EXOSC10: variants seen among roughly 807,000 people sequenced by gnomAD.
EXOSC10 encodes exosome complex component 10.
EXOSC10 carries 94 observed loss-of-function variants against 126.6 expected under a neutral mutation model. The ratio of observed to expected loss-of-function variants is 0.74; its 90% CI spans 0.63 to 0.88. The LOEUF is 0.88. EXOSC10 is among the 40% of genes least tolerant of loss of function. The pLI is 0.00. For synonymous variants in EXOSC10, 395 were observed against 400.8 expected (o/e 0.99, Z 0.17); for missense variants, 1,041 against 1,100.5 (o/e 0.95, Z 0.77).
intron 1 of EXOSC10, among the ~76,000 whole-genome samples, chr1:11,098,384 T>C (rs1641234187): frequency 6.6e-6 from 1 of 152,182 alleles, no homozygotes; most frequent in Non-Finnish European, 1.5e-5. Context: ...AATACATACG[T>C]ATATAATCTG....
intron 9 of EXOSC10, 35 bp from the exon 10 acceptor site, chr1:11,082,913 T>C (rs1219852320): frequency 3.2e-6 from 5 of 1,542,298 alleles, no homozygotes; most frequent in South Asian, 2.2e-5. Flanking sequence ...AGTACACTGG[T>C]AGCAGGCCAC....
chr1:11,076,894 T>G lies in EXOSC10; in HGVS notation c.1934A>C (p.Asn645Thr), dbSNP rs1353934940. 3 of 1,613,870 alleles carry G rather than the reference T, an allele frequency of 1.9e-6. No individual in the cohort carries two copies. Among genetic ancestry groups the G allele is most frequent in the Non-Finnish European group, 2.5e-6 (3 of 1,180,040 alleles). Residue 645 changes from asparagine (N) to threonine (T), a missense_variant, in exon 17 of 25, where the codon AAC (asparagine) becomes ACC (threonine). By Grantham distance (65) the Asn-to-Thr change is moderately conservative. Transcript: ENST00000376936. ...AATCAGGCATGTGGTACCCAGCAAG[T>G]TATCTTCTTTTTCATCAGGGAAGAG... ...ASLFPDEKED[N>T]LLGTTCLIAT... is the part of the protein sequence containing the mutation.
At position 11,091,085 on chromosome 1, in the gene EXOSC10, A is replaced by C. The variant is rs1203914208; in HGVS notation, c.572T>G (p.Ile191Ser). Reference sequence around the variant, plus strand: ...AAGAAATGGTGTGTTGGAATTGTCAATCTTCTCTCGAAACTTGAGCTGAGG... The same window carrying C: ...AAGAAATGGTGTGTTGGAATTGTCACTCTTCTCTCGAAACTTGAGCTGAGG... The part of the protein sequence containing the change: ...IRPQLKFREK[I>S]DNSNTPFLPK... The change falls in exon 5 of 25, where the codon ATT becomes AGT. Residue 191 changes from isoleucine to serine, a missense_variant. By Grantham distance (142) the Ile-to-Ser change is moderately radical. This residue lies in a region of EXOSC10 where 645 missense variants were observed against 656.3 expected (regional missense o/e 0.98). Coordinates refer to ENST00000376936, the MANE Select transcript of EXOSC10 (RefSeq NM_001001998.3). The C allele has an allele frequency of 5.6e-6, 9 of 1,614,042 alleles. No individual in the cohort carries two copies. Among genetic ancestry groups the C allele is most frequent in the Non-Finnish European group, 7.6e-6 (9 of 1,180,020 alleles).
chr1:11,075,853 C>CAAAAAAAAAA (rs58667041), intron 17 of EXOSC10, among the ~76,000 whole-genome samples: 4 of 35,140 alleles, frequency 1.1e-4, no homozygotes, highest in African/African-American at 5.2e-4. Context: ...GATCCTGTCA[C>CAAAAAAAAAA]AAAAAAAAAA....
Position 11,090,653 on chromosome 1 carries a change from C to G in EXOSC10, c.659G>C (p.Arg220Thr). Residue 220 changes from arginine to threonine, a missense_variant, in exon 6 of 25, where the codon AGG becomes ACG. Physicochemically the swap from Arg to Thr is moderately conservative, Grantham distance 71. Coordinates refer to ENST00000376936, the MANE Select transcript of EXOSC10 (RefSeq NM_001001998.3). ...KPLPQALSKE[R>T]RERPQDRPED... is the part of the protein sequence containing the mutation. Reference sequence around the variant, plus strand: ...AGGACGATCCTGTGGGCGTTCCCGCCTTTCCTTAGAGAGAGCTGGGGATCC... The same window carrying G: ...AGGACGATCCTGTGGGCGTTCCCGCGTTTCCTTAGAGAGAGCTGGGGATCC... 6 of 1,611,274 alleles carry G rather than the reference C, an allele frequency of 3.7e-6. No homozygotes were observed. Among genetic ancestry groups the G allele is most frequent in the East Asian group, 2.2e-5 (1 of 44,858 alleles).
intron 6 of EXOSC10, 134 bp from the exon 7 acceptor site, chr1:11,088,332 C>T (rs1640614870): frequency 1.7e-6 from 1 of 592,966 alleles, no homozygotes; most frequent in South Asian, 2.2e-5. Flanking sequence ...TTACAAAGAG[C>T]TTATTTCAGT....
In EXOSC10 at chr1:11,082,750, G is replaced by A. The variant is rs375462036; in HGVS notation, c.1218C>T (p.Leu406=). 5 of 1,614,078 alleles carry A rather than the reference G, an allele frequency of 3.1e-6. No homozygotes were observed. The African/African-American group carries it at 4.0e-5, about 13-fold the overall frequency. Reference sequence around the variant, plus strand: ...AGTCCACGTTGCAGTAGAGTTTCAGGAGATGATCGAGTGAGTGCCTGCCCA... The same window carrying A: ...AGTCCACGTTGCAGTAGAGTTTCAGAAGATGATCGAGTGAGTGCCTGCCCA... The part of the protein sequence containing the change: ...LNLGRHSLDH[L]LKLYCNVDSN... The change falls in exon 10 of 25, where the codon CTC becomes CTT. Residue 406 remains leucine, a synonymous_variant. Coordinates refer to ENST00000376936, the MANE Select transcript of EXOSC10 (RefSeq NM_001001998.3).
chr1:11,093,803 T>C (rs962425946), intron 3 of EXOSC10, among the ~76,000 whole-genome samples: 1 of 152,254 alleles, frequency 6.6e-6, no homozygotes, highest in Non-Finnish European at 1.5e-5. Flanking sequence ...CAGTGGCTCA[T>C]GCCTATAATC....
At chr1:11,096,538 A>ACACC (rs112344782) in intron 2 of EXOSC10, among the ~76,000 whole-genome samples, 3,067 of 148,124 alleles carry the variant, frequency 0.021, 120 homozygotes, top group African/African-American at 0.073. Context: ...ATGCAGCAGT[A>ACACC]CAATCACAGC....
chr1:11,080,600 A>T, intron 12 of EXOSC10, 51 bp from the exon 13 acceptor site: 1 of 1,260,510 alleles, frequency 7.9e-7, no homozygotes, highest in East Asian at 3.1e-5. Context: ...ACACACACAC[A>T]CACACGGTGG....
At chr1:11,069,259 G>GAGAGAGAGAGAGA (rs1553164212) in intron 22 of EXOSC10, among the ~76,000 whole-genome samples, 8 of 132,374 alleles carry the variant, frequency 6.0e-5, no homozygotes, top group African/African-American at 1.0e-4. Context: ...GAGAGAGAGA[G>GAGAGAGAGAGAGA]GGTTTATGGG....
chr1:11,069,004 G>A (rs1407908721), intron 22 of EXOSC10: 1 of 435,296 alleles, frequency 2.3e-6, no homozygotes. Flanking sequence ...CTCTGTGCTG[G>A]GTGATGCCAT....
intron 21 of EXOSC10, 174 bp downstream of exon 21, chr1:11,070,725 CT>C: frequency 1.7e-6 from 1 of 601,270 alleles, no homozygotes; most frequent in African/African-American, 1.8e-5. Flanking sequence ...CAATATCAAT[CT>C]TGTGGAGGTT....
chr1:11,072,744 G>A (rs2791647), intron 19 of EXOSC10: 91,928 of 152,294 alleles, frequency 0.6, 31,086 homozygotes, highest in East Asian at 0.79. Flanking sequence ...GGACAGGAAC[G>A]GGGCTGGGGG....
In EXOSC10 at chr1:11,093,602, C is replaced by T. The variant is rs138917802; in HGVS notation, c.373-2005G>A. Reference sequence around the variant, plus strand: ...TCTCTATGTATTTCTGTGGAAATAACGTTCTGCCATAGAATTAGGCATAAA... The same window carrying T: ...TCTCTATGTATTTCTGTGGAAATAATGTTCTGCCATAGAATTAGGCATAAA... On this transcript the variant is annotated intron_variant, in intron 3 of 24. Coordinates refer to ENST00000376936, the MANE Select transcript of EXOSC10 (RefSeq NM_001001998.3). Among the ~76,000 whole-genome samples, 1,219 of 152,248 alleles carry T rather than the reference C, an allele frequency of 8.0e-3. 25 individuals are homozygous for T. Among genetic ancestry groups the T allele is most frequent in the African/African-American group, 0.028 (1,149 of 41,518 alleles).
intron 24 of EXOSC10, among the ~76,000 whole-genome samples, chr1:11,067,718 T>G (rs1388586304): frequency 1.3e-5 from 2 of 152,154 alleles, no homozygotes; most frequent in South Asian, 2.1e-4. Context: ...TATTTACACC[T>G]ATTTTCCCTG....
At position 11,069,628 on chromosome 1, in the gene EXOSC10, C is replaced by A; in HGVS notation, c.2419G>T (p.Asp807Tyr). 6.2e-7 allele frequency: 1 copy of A among 1,614,134 alleles called. No individual in the cohort carries two copies. The highest frequency in any genetic ancestry group is 8.5e-7 in the Non-Finnish European group (1 of 1,180,044). ...AACTCTTTTTCTGGTGGCTCTGGGT[C>A]CTTTGGCTTCTTGGAAATTTTGAGT... ...KRLKISKKPK[D>Y]PEPPEKEFTP... is the part of the protein sequence containing the mutation. Residue 807 changes from aspartate (D) to tyrosine (Y), a missense_variant, in exon 22 of 25, where the codon GAC becomes TAC. By Grantham distance (160) the Asp-to-Tyr change is radical. Around this residue, in one of 3 missense-constraint regions of EXOSC10, gnomAD observed 388 missense variants for 415.2 expected, o/e 0.93. Coordinates refer to ENST00000376936, the MANE Select transcript of EXOSC10 (RefSeq NM_001001998.3).
At chr1:11,074,351 C>T in intron 17 of EXOSC10, 25 bp from the exon 18 acceptor site, 1 of 1,478,202 alleles carries the variant, frequency 6.8e-7, no homozygotes, top group Non-Finnish European at 9.4e-7. Flanking sequence ...AAAAAACGAT[C>T]ACTAATGACC....
chr1:11,080,561 A>ACACACACACACAC lies in EXOSC10; in HGVS notation c.1587-13_1587-12insGTGTGTGTGTGTG, dbSNP rs1557704190. 17 of 1,504,938 alleles carry ACACACACACACAC rather than the reference A, an allele frequency of 1.1e-5. No individual in the cohort carries two copies. The African/African-American group carries it at 3.2e-4, about 28-fold the overall frequency. 93.2% of individuals were successfully genotyped at this position (1,504,938 alleles called of 1,614,324 possible). ...TTGGCAGTACATATCTGGAAAAAAA[A>ACACACACACACAC]AAACACACACACACACACACACACA... is the stretch of plus-strand genomic sequence containing the variant. On this transcript the variant is annotated splice_polypyrimidine_tract_variant and intron_variant, in intron 12 of 24. Coordinates refer to ENST00000376936, the MANE Select transcript of EXOSC10 (RefSeq NM_001001998.3).
Sources: allele counts gnomAD v4.1 joint callset (sites outside exome capture counted in the v4.1 genomes callset), GRCh38; gene constraint gnomAD v4.1.1; regional missense constraint gnomAD v4.1.1; transcripts MANE v1.5; gene names NCBI Gene and HGNC (gene_info 2026-07-23, HGNC 2026-07-21).